The following CLSTN2 variants were observed in gnomAD, a reference collection of about 807,000 sequenced individuals.
The protein encoded by CLSTN2 is calsyntenin-2.
A neutral mutation model predicts 101.2 loss-of-function variants in CLSTN2; 48 were observed. The ratio of observed to expected loss-of-function variants is 0.47; its 90% CI spans 0.38 to 0.60. The LOEUF (loss-of-function observed/expected upper bound fraction) is 0.60, where lower values mean the gene tolerates loss of function less well. Among genes scored for constraint, CLSTN2 ranks in the 20% least tolerant of loss-of-function variants. The pLI is 0.00. For missense variants in CLSTN2, 1,160 were observed against 1,238.2 expected, an observed-to-expected ratio of 0.94 and a Z score of 0.95; for synonymous variants, 481 against 463.6, an observed-to-expected ratio of 1.04 and a Z score of -0.48.
At chr3:140,024,635 C>A (rs534782416) in intron 1 of CLSTN2, among the ~76,000 whole-genome samples, 2 of 152,262 alleles carry the variant, frequency 1.3e-5, no homozygotes, top group African/African-American at 4.8e-5. Context: ...CTCTGACTGG[C>A]AGCTGGTTGT....
At chr3:140,479,169 G>A (rs570761018) in intron 8 of CLSTN2, among the ~76,000 whole-genome samples, 1 of 152,298 alleles carries the variant, frequency 6.6e-6, no homozygotes, top group African/African-American at 2.4e-5. Context: ...CACTGCAAAG[G>A]AGACAAATTT....
chr3:140,182,536 C>T (rs752000906), intron 2 of CLSTN2, among the ~76,000 whole-genome samples: 3 of 152,188 alleles, frequency 2.0e-5, no homozygotes, highest in Admixed American at 1.3e-4. Context: ...ATTAATCTCA[C>T]AGTAGATGTG....
chr3:140,510,419 G>A (rs1017655243), intron 8 of CLSTN2, among the ~76,000 whole-genome samples: 3 of 152,206 alleles, frequency 2.0e-5, no homozygotes, highest in African/African-American at 7.2e-5. Flanking sequence ...CACATCATCA[G>A]TGCATAATAA....
chr3:140,434,747 T>C (rs1002782465), intron 5 of CLSTN2, among the ~76,000 whole-genome samples: 10 of 152,194 alleles, frequency 6.6e-5, no homozygotes, highest in Admixed American at 5.2e-4. Flanking sequence ...TCTGTCAACG[T>C]TGTGGCTGTA....
chr3:139,936,381 G>T (rs544415862), intron 1 of CLSTN2, among the ~76,000 whole-genome samples: 1 of 152,308 alleles, frequency 6.6e-6, no homozygotes, highest in Admixed American at 6.5e-5. Context: ...TGGGCTCAGG[G>T]GAGGCTGTGG....
At chr3:140,153,095 A>G (rs1422486710) in intron 1 of CLSTN2, among the ~76,000 whole-genome samples, 1 of 152,062 alleles carries the variant, frequency 6.6e-6, no homozygotes, top group Non-Finnish European at 1.5e-5. Flanking sequence ...GACTTGTTAA[A>G]CTCCAGTGGA....
intron 8 of CLSTN2, among the ~76,000 whole-genome samples, chr3:140,519,401 A>G (rs1467361164): frequency 6.6e-6 from 1 of 152,088 alleles, no homozygotes; most frequent in Non-Finnish European, 1.5e-5. Flanking sequence ...TCTGTGATCT[A>G]ATATTGGTTG....
chr3:140,074,973 C>T (rs1180422654), intron 1 of CLSTN2, among the ~76,000 whole-genome samples: 6 of 152,106 alleles, frequency 3.9e-5, no homozygotes, highest in South Asian at 4.2e-4. Flanking sequence ...TTTGTCTCTC[C>T]CCTGCATTTT....
intron 8 of CLSTN2, among the ~76,000 whole-genome samples, chr3:140,524,866 A>G (rs556298971): frequency 6.6e-6 from 1 of 152,358 alleles, no homozygotes; most frequent in South Asian, 2.1e-4. Flanking sequence ...CAACAAAATT[A>G]AGGCAGAAAT....
At chr3:139,958,258 C>T (rs1448585746) in intron 1 of CLSTN2, among the ~76,000 whole-genome samples, 2 of 152,202 alleles carry the variant, frequency 1.3e-5, no homozygotes, top group Non-Finnish European at 2.9e-5. Flanking sequence ...TATGTCTCCA[C>T]AGTCATCAAA....
chr3:140,306,567 A>T (rs562765129), intron 2 of CLSTN2, among the ~76,000 whole-genome samples: 31 of 152,308 alleles, frequency 2.0e-4, no homozygotes, highest in African/African-American at 7.5e-4. Context: ...AGAGGAAATG[A>T]ATATAATAAG....
At chr3:140,328,419 A>G (rs552915663) in intron 2 of CLSTN2, among the ~76,000 whole-genome samples, 1 of 152,284 alleles carries the variant, frequency 6.6e-6, no homozygotes, top group South Asian at 2.1e-4. Flanking sequence ...ACCTCATTGA[A>G]TTGTAAAACA....
chr3:140,190,730 T>C (rs1227752699), intron 2 of CLSTN2, among the ~76,000 whole-genome samples: 2 of 152,196 alleles, frequency 1.3e-5, no homozygotes, highest in Non-Finnish European at 2.9e-5. Flanking sequence ...ACTGCTGACA[T>C]ATAGACATAC....
At chr3:139,952,209 G>A (rs1935306820) in intron 1 of CLSTN2, among the ~76,000 whole-genome samples, 1 of 152,224 alleles carries the variant, frequency 6.6e-6, no homozygotes, top group Non-Finnish European at 1.5e-5. Context: ...AGGGATGTAT[G>A]TATTTCTGAA....
intron 4 of CLSTN2, among the ~76,000 whole-genome samples, chr3:140,412,711 G>A (rs943193957): frequency 3.3e-5 from 5 of 152,004 alleles, no homozygotes; most frequent in Admixed American, 6.5e-5. Flanking sequence ...CAACCATGAC[G>A]GTATGAAACT....
At chr3:140,400,322 A>G (rs2088227058) in intron 2 of CLSTN2, among the ~76,000 whole-genome samples, 1 of 152,214 alleles carries the variant, frequency 6.6e-6, no homozygotes, top group Admixed American at 6.5e-5. Context: ...GGACATGCGT[A>G]TTGCAGCCTT....
At chr3:140,052,745 G>A (rs1053373408) in intron 1 of CLSTN2, among the ~76,000 whole-genome samples, 6 of 152,170 alleles carry the variant, frequency 3.9e-5, no homozygotes, top group Non-Finnish European at 8.8e-5. Context: ...CAGCTGATAC[G>A]TGAAAAAACT....
At chr3:140,540,911 C>T (rs1386814111) in intron 9 of CLSTN2, among the ~76,000 whole-genome samples, 1 of 152,132 alleles carries the variant, frequency 6.6e-6, no homozygotes, top group Admixed American at 6.5e-5. Flanking sequence ...ATGCAAACTC[C>T]GACTCAGAAT....
At chr3:140,287,386 G>A (rs558088717) in intron 2 of CLSTN2, among the ~76,000 whole-genome samples, 9 of 152,282 alleles carry the variant, frequency 5.9e-5, no homozygotes, top group African/African-American at 9.6e-5. Context: ...GTGCATGGAA[G>A]GGTGGATTGT....
Sources: gnomAD v4.1 joint callset for allele counts (sites outside exome capture counted in the v4.1 genomes callset) on GRCh38, gnomAD v4.1.1 for gene constraint, MANE v1.5 for transcripts, NCBI Gene and HGNC (gene_info 2026-07-23, HGNC 2026-07-21) for gene names.